Variants in NFIC observed in about 807,000 individuals in gnomAD.
NFIC encodes the protein nuclear factor I C, also known as nuclear factor 1 C-type.
A neutral mutation model predicts 54.4 loss-of-function variants in NFIC; 12 were observed. That is an observed-to-expected ratio of 0.22 (90% CI 0.14 to 0.36). The LOEUF (loss-of-function observed/expected upper bound fraction) is 0.36, where lower values mean the gene tolerates loss of function less well. NFIC is among the 10% of genes least tolerant of loss of function. NFIC has a pLI of 1.00. For missense variants in NFIC, 575 were observed against 718.2 expected (o/e 0.80, Z 2.28); for synonymous variants, 322 against 319.2 (o/e 1.01, Z -0.09).
intron 10 of NFIC, among the ~76,000 whole-genome samples, chr19:3,457,197 GGACA>G (rs1251346969): frequency 2.0e-5 from 3 of 152,200 alleles, no homozygotes; most frequent in Non-Finnish European, 4.4e-5. Flanking sequence ...TTCGTCAGCA[GGACA>G]GACAGGATGG....
chr19:3,423,887 C>T (rs749232613), intron 2 of NFIC, among the ~76,000 whole-genome samples: 4 of 152,114 alleles, frequency 2.6e-5, no homozygotes, highest in African/African-American at 9.7e-5. Context: ...GGCTAAGGGA[C>T]GTGACGTCTC....
In NFIC at chr19:3,453,816, G is replaced by A; in HGVS notation, c.1323G>A (p.Met441Ile). The stretch of plus-strand genomic sequence containing the variant: ...CCAGCCACTGCCTTTCTGCTCAGAT[G>A]CTGGCACCTCCGCCCCCGGGGCTGC... ...KMPSHCLSAQ[M>I]LAPPPPGLPR... The change falls in exon 9 of 11, where the codon ATG (methionine) becomes ATA (isoleucine). Residue 441 changes from methionine to isoleucine, a missense_variant. By Grantham distance (10) the Met-to-Ile change is conservative (BLOSUM62 1). Coordinates refer to ENST00000443272, the MANE Select transcript of NFIC (RefSeq NM_001245002.2). This position sits in a 1 kb window ranked among gnomAD's most constrained non-coding sequence, Gnocchi z 6.7. 1.2e-6 allele frequency: 2 copies of A among 1,603,596 alleles called. No homozygotes were observed. The highest frequency in any genetic ancestry group is 1.7e-6 in the Non-Finnish European group (2 of 1,175,584).
chr19:3,446,721 T>G (rs546516955), intron 6 of NFIC, among the ~76,000 whole-genome samples: 1 of 152,324 alleles, frequency 6.6e-6, no homozygotes, highest in East Asian at 1.9e-4. Flanking sequence ...GATGTGATCC[T>G]TAGCCCTCAC....
At position 3,369,344 on chromosome 19, in the gene NFIC, GTC is replaced by G. The variant is rs376934694; in HGVS notation, c.30+2686_30+2687del. Among the ~76,000 whole-genome samples, 1 of 151,494 alleles carries G rather than the reference GTC, an allele frequency of 6.6e-6. No individual in the cohort carries two copies. The highest frequency in any genetic ancestry group is 2.4e-5 in the African/African-American group (1 of 41,128). On this transcript the variant is annotated intron_variant, in intron 1 of 10. Transcript: ENST00000443272. This position sits in a 1 kb window ranked among gnomAD's most constrained non-coding sequence, Gnocchi z 4.3. ...GTCTCCCCTTGCCCCCTCTCTCCCT[GTC>G]TCTCTCTATCTCTGCATGTGTCTCC...
intron 6 of NFIC, among the ~76,000 whole-genome samples, chr19:3,445,274 T>C (rs1359110605): frequency 2.6e-5 from 4 of 152,080 alleles, no homozygotes; most frequent in Non-Finnish European, 5.9e-5. Context: ...CCTCCCCGGC[T>C]CCAGGCCACC....
At chr19:3,422,061 C>G (rs902515630) in intron 2 of NFIC, among the ~76,000 whole-genome samples, 1 of 152,044 alleles carries the variant, frequency 6.6e-6, no homozygotes, top group Non-Finnish European at 1.5e-5. Flanking sequence ...CTCAGCCTCC[C>G]GAGTAGCTGG....
intron 1 of NFIC, among the ~76,000 whole-genome samples, chr19:3,377,623 T>C (rs1165058125): frequency 6.6e-6 from 1 of 152,026 alleles, no homozygotes; most frequent in Non-Finnish European, 1.5e-5. Context: ...TATTTTTTAT[T>C]TTTTTAGAGA....
chr19:3,390,954 A>G (rs1416889139), intron 2 of NFIC, among the ~76,000 whole-genome samples: 3 of 152,128 alleles, frequency 2.0e-5, no homozygotes, highest in Non-Finnish European at 4.4e-5. Flanking sequence ...TAATGGTTGT[A>G]CAACCCTATG....
At chr19:3,435,655 C>CT (rs1040033976) in intron 6 of NFIC, among the ~76,000 whole-genome samples, 77 of 149,092 alleles carry the variant, frequency 5.2e-4, no homozygotes, top group African/African-American at 1.4e-3. Flanking sequence ...CTTGAGGTTA[C>CT]TTTTTTTTTT....
In NFIC at chr19:3,467,783, A is replaced by ATATATATATATATATATATG. The variant is rs1421160191; in HGVS notation, c.*5020_*5021insTATATATATATATGTATATA. Reference sequence around the variant, plus strand: ...CATATATATATATATATATATATATATATATAATTTTGGAATTTGTTTCTC... The same window carrying ATATATATATATATATATATG: ...CATATATATATATATATATATATATATATATATATATATATATATGTATATAATTTTGGAATTTGTTTCTC... On this transcript the variant is annotated 3_prime_UTR_variant, in exon 11 of 11. Transcript: ENST00000443272. 7.2e-6 allele frequency: 1 copy of ATATATATATATATATATATG among 138,038 alleles called. No individual in the cohort carries two copies. The highest frequency in any genetic ancestry group is 2.8e-5 in the African/African-American group (1 of 35,424). 8.6% of individuals were successfully genotyped at this position (138,038 alleles called of 1,614,324 possible). A position where few individuals can be genotyped will look rare whatever the true frequency, so the allele number is the denominator to read the frequency against.
intron 2 of NFIC, among the ~76,000 whole-genome samples, chr19:3,400,455 T>C (rs1288721510): frequency 4.0e-5 from 6 of 150,368 alleles, no homozygotes; most frequent in Admixed American, 6.6e-5. Context: ...CCAGCCTGGG[T>C]GACAGAGTGA....
rs899144309 is a variant in NFIC at position 3,465,340 on chromosome 19, A to G, written c.*2571A>G. The G allele has an allele frequency of 6.6e-6, 1 of 150,736 alleles. No individual in the cohort carries two copies. Among genetic ancestry groups the G allele is most frequent in the African/African-American group, 2.4e-5 (1 of 41,178 alleles). 9.3% of individuals were successfully genotyped at this position (150,736 alleles called of 1,614,324 possible). On this transcript the variant is annotated 3_prime_UTR_variant, in exon 11 of 11. Transcript: ENST00000443272. Reference sequence around the variant, plus strand: ...GTGTAGTTTAAAAAAAAAAAGACAAAACAGTGACATGAAATAAAAAATAAA... The same window carrying G: ...GTGTAGTTTAAAAAAAAAAAGACAAGACAGTGACATGAAATAAAAAATAAA...
intron 2 of NFIC, among the ~76,000 whole-genome samples, chr19:3,398,317 G>A (rs893429339): frequency 9.2e-5 from 14 of 152,122 alleles, no homozygotes; most frequent in African/African-American, 3.1e-4. Flanking sequence ...CTCCACTGGC[G>A]CACTTATTGA....
At chr19:3,401,139 G>A (rs890967657) in intron 2 of NFIC, among the ~76,000 whole-genome samples, 3 of 152,240 alleles carry the variant, frequency 2.0e-5, no homozygotes, top group Non-Finnish European at 4.4e-5. Context: ...GGCTGCAGCA[G>A]AGTGAGGAGA....
chr19:3,411,620 C>T (rs561250196), intron 2 of NFIC, among the ~76,000 whole-genome samples: 1 of 152,102 alleles, frequency 6.6e-6, no homozygotes, highest in Non-Finnish European at 1.5e-5. Context: ...ACTCCCGGCC[C>T]TCCAGTGCAT....
upstream of NFIC, among the ~76,000 whole-genome samples, chr19:3,365,355 G>A (rs183979013): frequency 3.4e-4 from 52 of 152,326 alleles, 1 homozygote; most frequent in African/African-American, 1.2e-3. Flanking sequence ...TAAGGTCATT[G>A]TCCTTATCCC....
rs565668242 is a variant in NFIC at position 3,382,198 on chromosome 19, G to A, written c.517G>A (p.Val173Ile). 1.1e-4 allele frequency: 185 copies of A among 1,609,346 alleles called. 4 individuals are homozygous for A. The South Asian group carries it at 1.9e-3, about 16-fold the overall frequency. Residue 173 changes from valine to isoleucine, a missense_variant, in exon 2 of 11, where the codon GTC (valine) becomes ATC (isoleucine). This residue lies in a region of NFIC where 447 missense variants were observed against 526.9 expected (regional missense o/e 0.85). Transcript: ENST00000443272. ...GCAGCCGCACCACATTGGCGTGGCCGTCAAGGAGCTGGACCTCTACCTGGC... is the reference window on the plus strand; with the variant it reads ...GCAGCCGCACCACATTGGCGTGGCCATCAAGGAGCTGGACCTCTACCTGGC... ...CVQPHHIGVA[V>I]KELDLYLAYF...
intron 6 of NFIC, among the ~76,000 whole-genome samples, chr19:3,438,504 C>G (rs1436508587): frequency 6.7e-6 from 1 of 149,658 alleles, no homozygotes; most frequent in Non-Finnish European, 1.5e-5. Context: ...GTGGCGCCAT[C>G]TCAGCTCACT....
chr19:3,444,081 G>A (rs1038783216), intron 6 of NFIC, among the ~76,000 whole-genome samples: 5 of 134,386 alleles, frequency 3.7e-5, no homozygotes, highest in African/African-American at 1.0e-4. Context: ...CTGCTCCGAC[G>A]GGGTGATGAG....
Sources: gnomAD v4.1 joint callset for allele counts (sites outside exome capture counted in the v4.1 genomes callset) on GRCh38, gnomAD v4.1.1 for gene constraint, gnomAD v4.1.1 regional missense constraint, Gnocchi (gnomAD v3.1) non-coding constraint, MANE v1.5 for transcripts, NCBI Gene and HGNC (gene_info 2026-07-23, HGNC 2026-07-21) for gene names.